The following ALK variants were observed in gnomAD, a reference collection of about 807,000 sequenced individuals.
ALK encodes ALK receptor tyrosine kinase.
In ALK, 74 loss-of-function variants were observed where a neutral mutation model predicts 163.1. The observed-to-expected ratio is 0.45, with a 90% CI of 0.38 to 0.55. The LOEUF (loss-of-function observed/expected upper bound fraction) is 0.55. Ranked by LOEUF, ALK falls within the 20% of genes least tolerant of loss-of-function variation. The probability of loss-of-function intolerance (pLI) is 0.00; values close to 1 mark genes in which losing one functional copy is unlikely to be tolerated. For synonymous variants in ALK, 960 were observed against 843.2 expected (o/e 1.14, Z -2.40); for missense variants, 2,063 against 2,105.3 (o/e 0.98, Z 0.39).
chr2:29,405,358 G>A (rs1404471510), intron 4 of ALK, among the ~76,000 whole-genome samples: 1 of 152,098 alleles, frequency 6.6e-6, no homozygotes, highest in Admixed American at 6.6e-5. Flanking sequence ...TGCCTTTGGT[G>A]GAAACTCAGA....
intron 8 of ALK, among the ~76,000 whole-genome samples, chr2:29,304,459 C>T (rs1347888164): frequency 6.8e-6 from 1 of 146,572 alleles, no homozygotes; most frequent in Non-Finnish European, 1.5e-5. Context: ...GGTGCCACTG[C>T]ACTCCAGCCT....
intron 5 of ALK, among the ~76,000 whole-genome samples, chr2:29,382,774 A>T (rs1396195094): frequency 6.6e-6 from 1 of 152,206 alleles, no homozygotes; most frequent in Non-Finnish European, 1.5e-5. Flanking sequence ...CACCTTTTCA[A>T]CTTGAACTGT....
intron 3 of ALK, among the ~76,000 whole-genome samples, chr2:29,595,851 A>C (rs1049655357): frequency 3.3e-5 from 5 of 152,232 alleles, no homozygotes; most frequent in African/African-American, 1.2e-4. Context: ...AAGTTTTCTG[A>C]AGCTGAGAGA....
At chr2:29,772,160 G>C (rs1681047767) in intron 1 of ALK, among the ~76,000 whole-genome samples, 1 of 152,202 alleles carries the variant, frequency 6.6e-6, no homozygotes, top group Non-Finnish European at 1.5e-5. Flanking sequence ...GATGGCAGAG[G>C]CTTCTGATAC....
intron 24 of ALK, 80 bp from the exon 25 acceptor site, chr2:29,209,958 C>T (rs2148155606): frequency 1.7e-6 from 2 of 1,144,526 alleles, no homozygotes; most frequent in South Asian, 2.5e-5. Context: ...GATTTTATCT[C>T]CAAGCTGAAG....
chr2:29,362,984 G>T (rs562614967), intron 5 of ALK, among the ~76,000 whole-genome samples: 2 of 152,274 alleles, frequency 1.3e-5, no homozygotes, highest in South Asian at 4.1e-4. Flanking sequence ...CACCACCATT[G>T]TGTGTGGAAG....
chr2:29,585,941 T>C (rs1674874662), intron 3 of ALK, among the ~76,000 whole-genome samples: 1 of 152,164 alleles, frequency 6.6e-6, no homozygotes, highest in Non-Finnish European at 1.5e-5. Flanking sequence ...TTAAAATACA[T>C]AACATTTTTA....
intron 1 of ALK, among the ~76,000 whole-genome samples, chr2:29,739,624 C>A (rs1014578388): frequency 1.1e-4 from 16 of 151,750 alleles, no homozygotes; most frequent in Non-Finnish European, 2.1e-4. Flanking sequence ...ATCTGCATTT[C>A]CATTCTACCA....
At chr2:29,557,222 G>A (rs1351005626) in intron 3 of ALK, among the ~76,000 whole-genome samples, 1 of 152,150 alleles carries the variant, frequency 6.6e-6, no homozygotes, top group Admixed American at 6.6e-5. Flanking sequence ...CTCTGAAATT[G>A]AGACCTTGCT....
intron 12 of ALK, among the ~76,000 whole-genome samples, chr2:29,242,454 T>C (rs1327649417): frequency 6.6e-6 from 1 of 152,234 alleles, no homozygotes; most frequent in Non-Finnish European, 1.5e-5. Flanking sequence ...CAAATTATTA[T>C]ATTTTAGACG....
In ALK at chr2:29,383,820, G is replaced by A. The variant is rs751480002; in HGVS notation, c.1194C>T (p.Asn398=). 1 of 1,614,116 alleles carries A rather than the reference G, an allele frequency of 6.2e-7. No individual in the cohort carries two copies. Among genetic ancestry groups the A allele is most frequent in the Non-Finnish European group, 8.5e-7 (1 of 1,179,986 alleles). Residue 398 remains asparagine, a synonymous_variant, in exon 5 of 29, where the codon AAC becomes AAT. Transcript: ENST00000389048. ...TGTATTCCAGGGCCACTCGAAATGG[G>A]TTGTCTGGACGCCCGATTCTTCCCT... ...VLQGRIGRPD[N]PFRVALEYIS... is the part of the protein sequence containing the mutation.
intron 2 of ALK, among the ~76,000 whole-genome samples, chr2:29,698,349 G>A (rs1427427643): frequency 2.6e-5 from 4 of 152,174 alleles, no homozygotes; most frequent in African/African-American, 9.7e-5. Context: ...AAGGAGAGGC[G>A]TAGCCATGAA....
chr2:29,678,453 G>A (rs1389556256), intron 3 of ALK, among the ~76,000 whole-genome samples: 1 of 150,664 alleles, frequency 6.6e-6, no homozygotes, highest in Non-Finnish European at 1.5e-5. Flanking sequence ...TTTTTTCTCT[G>A]AGCACTTTTA....
At chr2:29,300,999 G>T (rs1424273393) in intron 8 of ALK, among the ~76,000 whole-genome samples, 1 of 152,160 alleles carries the variant, frequency 6.6e-6, no homozygotes, top group East Asian at 1.9e-4. Context: ...TTACTAAAAA[G>T]CCTGTGTTTT....
intron 4 of ALK, among the ~76,000 whole-genome samples, chr2:29,473,308 T>A (rs1671415625): frequency 6.6e-6 from 1 of 152,142 alleles, no homozygotes; most frequent in Non-Finnish European, 1.5e-5. Context: ...CTCTACTTAA[T>A]GCTAAATGAA....
At chr2:29,754,914 A>G (rs1405042112) in intron 1 of ALK, among the ~76,000 whole-genome samples, 1 of 152,118 alleles carries the variant, frequency 6.6e-6, no homozygotes, top group African/African-American at 2.4e-5. Context: ...GTTCAGGACA[A>G]AAATGTCTCT....
At chr2:29,608,601 C>G (rs1015700847) in intron 3 of ALK, among the ~76,000 whole-genome samples, 4 of 152,178 alleles carry the variant, frequency 2.6e-5, no homozygotes, top group African/African-American at 7.2e-5. Flanking sequence ...TTTCTGCTGT[C>G]ATGGAGATTT....
chr2:29,905,060 G>A (rs1667504167), intron 1 of ALK, among the ~76,000 whole-genome samples: 1 of 152,214 alleles, frequency 6.6e-6, no homozygotes, highest in Non-Finnish European at 1.5e-5. Context: ...GAGAGGACAT[G>A]TGGGTTGTGG....
chr2:29,418,683 G>A (rs1669941888), intron 4 of ALK, among the ~76,000 whole-genome samples: 1 of 152,154 alleles, frequency 6.6e-6, no homozygotes, highest in South Asian at 2.1e-4. Context: ...TAGGATAATG[G>A]CCTCCAGTTC....
Sources: gnomAD v4.1 joint callset for allele counts (sites outside exome capture counted in the v4.1 genomes callset) on GRCh38, gnomAD v4.1.1 for gene constraint, MANE v1.5 for transcripts, NCBI Gene and HGNC (gene_info 2026-07-23, HGNC 2026-07-21) for gene names.